Variants in HAUS8 observed in about 807,000 individuals in gnomAD.
HAUS8 encodes the protein HAUS augmin like complex subunit 8.
Under a neutral mutation model 42.9 loss-of-function variants are expected in HAUS8, and 38 were observed. The observed-to-expected ratio is 0.89, with a 90% CI of 0.68 to 1.16. The LOEUF is 1.16. HAUS8 is among the 50% of genes most tolerant of loss of function. The pLI is 0.00. For missense variants in HAUS8, 494 were observed against 511.6 expected, an observed-to-expected ratio of 0.97 and a Z score of 0.33; for synonymous variants, 199 against 205.8, an observed-to-expected ratio of 0.97 and a Z score of 0.28.
At chr19:17,073,006 C>T (rs1387828308) in intron 2 of HAUS8, among the ~76,000 whole-genome samples, 1 of 151,582 alleles carries the variant, frequency 6.6e-6, no homozygotes, top group Non-Finnish European at 1.5e-5. Context: ...TCCATGGTCT[C>T]CACACCCACG....
In HAUS8 at chr19:17,058,836, A is replaced by AGT; in HGVS notation, c.459_460dup (p.Leu154HisfsTer4). 1 of 1,613,520 alleles carries AGT rather than the reference A, an allele frequency of 6.2e-7. No homozygotes were observed. Among genetic ancestry groups the AGT allele is most frequent in the East Asian group, 2.2e-5 (1 of 44,884 alleles). On this transcript the variant is annotated frameshift_variant, in exon 7 of 11. Transcript: ENST00000253669. LOFTEE classifies it high-confidence loss of function. ...CTTTACGGATAGTAGCGTCAGCAGTAGTGTCTGAGACTCCATCATTTCCAT... is the reference window on the plus strand; with the variant it reads ...CTTTACGGATAGTAGCGTCAGCAGTAGTGTGTCTGAGACTCCATCATTTCCAT...
intron 10 of HAUS8, 103 bp from the exon 11 acceptor site, chr19:17,050,279 G>GC: frequency 1.2e-6 from 1 of 825,816 alleles, no homozygotes; most frequent in African/African-American, 1.8e-5. Flanking sequence ...ATTTTCACAT[G>GC]CCCTACGTGC....
At chr19:17,057,788 G>A (rs1274454680) in intron 8 of HAUS8, among the ~76,000 whole-genome samples, 1 of 152,128 alleles carries the variant, frequency 6.6e-6, no homozygotes, top group Non-Finnish European at 1.5e-5. Context: ...TGAAAAGAGG[G>A]ACTTTATCAG....
chr19:17,058,423 T>C, intron 8 of HAUS8, 126 bp downstream of exon 8: 1 of 929,586 alleles, frequency 1.1e-6, no homozygotes, highest in Non-Finnish European at 1.6e-6. Flanking sequence ...AGTGTGGCAT[T>C]AAAAGCCCAA....
intron 3 of HAUS8, among the ~76,000 whole-genome samples, chr19:17,063,253 T>G (rs1165793008): frequency 6.6e-6 from 1 of 152,176 alleles, no homozygotes; most frequent in East Asian, 1.9e-4. Flanking sequence ...TCCCAGCTAC[T>G]CAGGAGGCTG....
At chr19:17,068,883 C>G in intron 3 of HAUS8, 148 bp downstream of exon 3, 1 of 701,946 alleles carries the variant, frequency 1.4e-6, no homozygotes, top group South Asian at 1.6e-5. Context: ...GCATGAAGGG[C>G]TGATGGTCTC....
At position 17,055,932 on chromosome 19, in the gene HAUS8, G is replaced by A. The variant is rs762024972; in HGVS notation, c.716C>T (p.Ala239Val). Residue 239 changes from alanine to valine, a missense_variant, in exon 9 of 11, where the codon GCC (alanine) becomes GTC (valine). Ala to Val is a moderately conservative substitution (Grantham distance 64). Transcript: ENST00000253669. The part of the protein sequence containing the change: ...FKEQYRTFAT[A>V]LDTTRHELPV... ...CAGCTCGTGCCTGGTAGTGTCCAGG[G>A]CCGTGGCGAATGTCCTGTATTGCTC... is the stretch of plus-strand genomic sequence containing the variant. 3 of 1,614,116 alleles carry A rather than the reference G, an allele frequency of 1.9e-6. No individual in the cohort carries two copies. The highest frequency in any genetic ancestry group is 1.1e-5 in the South Asian group (1 of 91,090).
At chr19:17,071,609 C>T (rs921545539) in intron 2 of HAUS8, among the ~76,000 whole-genome samples, 2 of 152,206 alleles carry the variant, frequency 1.3e-5, no homozygotes, top group African/African-American at 4.8e-5. Flanking sequence ...AACAGTTTTG[C>T]TCAACAAGGA....
At position 17,064,276 on chromosome 19, in the gene HAUS8, C is replaced by A. The variant is rs566251831; in HGVS notation, c.148-1497G>T. On this transcript the variant is annotated intron_variant, in intron 3 of 10. Transcript: ENST00000253669. Reference sequence around the variant, plus strand: ...AATAAATGGAGAAGCATACCATGTTCATGGATTGAAAGACTCGCTTTTATT... The same window carrying A: ...AATAAATGGAGAAGCATACCATGTTAATGGATTGAAAGACTCGCTTTTATT... Among the ~76,000 whole-genome samples the A allele has an allele frequency of 2.0e-5, 3 of 152,314 alleles. No homozygotes were observed. The South Asian group carries it at 6.2e-4, about 32-fold the overall frequency.
chr19:17,059,324 C>T (rs775140369), intron 6 of HAUS8, among the ~76,000 whole-genome samples: 5 of 152,210 alleles, frequency 3.3e-5, no homozygotes, highest in Admixed American at 6.5e-5. Flanking sequence ...GAGAAGTCCC[C>T]TGTCTCATTT....
chr19:17,062,416 G>A (rs952250770), intron 4 of HAUS8, among the ~76,000 whole-genome samples: 2 of 152,106 alleles, frequency 1.3e-5, no homozygotes, highest in African/African-American at 4.8e-5. Context: ...GAGCACCAGT[G>A]GGAAAACAGT....
At chr19:17,072,021 T>A (rs2057428074) in intron 2 of HAUS8, among the ~76,000 whole-genome samples, 1 of 152,110 alleles carries the variant, frequency 6.6e-6, no homozygotes, top group Non-Finnish European at 1.5e-5. Context: ...CAGGCTGAAT[T>A]TTCCACAGAA....
chr19:17,055,339 C>CAAA (rs11315045), intron 9 of HAUS8, among the ~76,000 whole-genome samples: 5 of 49,490 alleles, frequency 1.0e-4, no homozygotes, highest in South Asian at 9.3e-4. Flanking sequence ...GATGCTGTCT[C>CAAA]AAAAAAAAAA....
chr19:17,069,750 C>T (rs1484822019), intron 2 of HAUS8, among the ~76,000 whole-genome samples: 2 of 151,732 alleles, frequency 1.3e-5, no homozygotes, highest in East Asian at 1.9e-4. Flanking sequence ...CTCTCCCGGA[C>T]CCCTCCCTCA....
Position 17,058,606 on chromosome 19 carries a change from C to T in HAUS8, c.588G>A (p.Lys196=). ...EKLQKKAHEL[K]RRLLLSQRKR... ...TCCTCTGAGAGAGGAGAAGCCTGCG[C>T]TTCAGCTCGTGGGCCTTTTTCTGTA... Residue 196 remains lysine (K), a synonymous_variant, in exon 8 of 11, where the codon AAG becomes AAA. Transcript: ENST00000253669. 6.2e-7 allele frequency: 1 copy of T among 1,613,634 alleles called. No individual in the cohort carries two copies. The highest frequency in any genetic ancestry group is 1.1e-5 in the South Asian group (1 of 90,972).
chr19:17,073,124 C>G (rs1376482333), intron 2 of HAUS8, 150 bp downstream of exon 2: 4 of 727,618 alleles, frequency 5.5e-6, no homozygotes, highest in Non-Finnish European at 9.8e-6. Flanking sequence ...CGCCACAGGG[C>G]TGGGATGGCC....
At chr19:17,075,118 T>A (rs11665800) in intron 1 of HAUS8, 4 of 526,164 alleles carry the variant, frequency 7.6e-6, no homozygotes, top group Non-Finnish European at 1.4e-5. Context: ...CGGCCCCATT[T>A]CGTAGCGGAG....
chr19:17,062,659 C>T (rs1001117057), intron 4 of HAUS8, 39 bp downstream of exon 4: 12 of 1,526,774 alleles, frequency 7.9e-6, no homozygotes, highest in South Asian at 3.4e-5. Flanking sequence ...AATTTACTGC[C>T]GCGCTCATCA....
At chr19:17,072,607 T>C (rs2057434032) in intron 2 of HAUS8, among the ~76,000 whole-genome samples, 2 of 152,222 alleles carry the variant, frequency 1.3e-5, no homozygotes, top group East Asian at 1.9e-4. Context: ...CTCAAACTGC[T>C]GGGATTACAG....
Sources: allele counts gnomAD v4.1 joint callset (sites outside exome capture counted in the v4.1 genomes callset), GRCh38; gene constraint gnomAD v4.1.1; transcripts MANE v1.5; gene names NCBI Gene and HGNC (gene_info 2026-07-23, HGNC 2026-07-21).